Variants in PARD3 observed in about 807,000 individuals in gnomAD.
PARD3 encodes partitioning defective 3 homolog.
A neutral mutation model predicts 155.4 loss-of-function variants in PARD3; 75 were observed. That is an observed-to-expected ratio of 0.48 (90% CI 0.40 to 0.58). The LOEUF (loss-of-function observed/expected upper bound fraction) is 0.58, where lower values mean the gene tolerates loss of function less well. PARD3 is among the 20% of genes least tolerant of loss of function. The probability of loss-of-function intolerance (pLI) is 0.00; values close to 1 mark genes in which losing one functional copy is unlikely to be tolerated. For missense variants in PARD3, 1,642 were observed against 1,721.7 expected, an observed-to-expected ratio of 0.95 and a Z score of 0.82; for synonymous variants, 576 against 610.5, an observed-to-expected ratio of 0.94 and a Z score of 0.83.
chr10:34,661,249 C>T lies in PARD3; in HGVS notation c.222+35069G>A, dbSNP rs144007223. Among the ~76,000 whole-genome samples, 1,320 of 152,204 alleles carry T rather than the reference C, an allele frequency of 8.7e-3. 15 individuals carry two copies. The highest frequency in any genetic ancestry group is 0.031 in the African/African-American group (1,269 of 41,518). ...TCTACTTGAGAAACAAGGAACAAAA[C>T]GATGCATTTCTTGTACCCAATGTGC... On this transcript the variant is annotated intron_variant, in intron 2 of 24. Coordinates refer to ENST00000374788, the MANE Select transcript of PARD3 (RefSeq NM_001184785.2).
chr10:34,318,914 C>T (rs1958190984), intron 19 of PARD3, among the ~76,000 whole-genome samples: 1 of 151,320 alleles, frequency 6.6e-6, no homozygotes, highest in Non-Finnish European at 1.5e-5. Flanking sequence ...TACAGGCGCC[C>T]ACCACCACGC....
chr10:34,634,655 A>T (rs2092401586), intron 2 of PARD3, among the ~76,000 whole-genome samples: 1 of 152,074 alleles, frequency 6.6e-6, no homozygotes, highest in Non-Finnish European at 1.5e-5. Flanking sequence ...TTACATGCAC[A>T]AAGAAACAAC....
At chr10:34,220,668 T>C (rs1360828748) in intron 22 of PARD3, among the ~76,000 whole-genome samples, 1 of 152,158 alleles carries the variant, frequency 6.6e-6, no homozygotes, top group Non-Finnish European at 1.5e-5. Flanking sequence ...TCCTAAGCTG[T>C]GAAATGGGGG....
intron 1 of PARD3, among the ~76,000 whole-genome samples, chr10:34,772,719 G>A (rs968923879): frequency 6.7e-6 from 1 of 149,284 alleles, no homozygotes; most frequent in Non-Finnish European, 1.5e-5. Flanking sequence ...GCTTGAACCC[G>A]GGAGGCAGAG....
intron 22 of PARD3, among the ~76,000 whole-genome samples, chr10:34,184,696 C>CA (rs1275012907): frequency 3.4e-5 from 3 of 87,040 alleles, no homozygotes; most frequent in Non-Finnish European, 4.9e-5. Flanking sequence ...CCAGGCCTTT[C>CA]GGTTTTTTTT....
chr10:34,623,979 C>CAAAA (rs767945506), intron 2 of PARD3, among the ~76,000 whole-genome samples: 1 of 120,396 alleles, frequency 8.3e-6, no homozygotes, highest in Non-Finnish European at 1.8e-5. Context: ...GACTCCGTCT[C>CAAAA]AAAAAAAAAA....
At chr10:34,456,859 C>A (rs990675742) in intron 4 of PARD3, among the ~76,000 whole-genome samples, 1 of 152,106 alleles carries the variant, frequency 6.6e-6, no homozygotes, top group African/African-American at 2.4e-5. Context: ...CATTCTGATA[C>A]ATACTCAGTA....
chr10:34,379,895 T>C (rs564873944), intron 9 of PARD3, among the ~76,000 whole-genome samples: 7 of 152,266 alleles, frequency 4.6e-5, no homozygotes, highest in Non-Finnish European at 2.9e-5. Flanking sequence ...TTATATAACA[T>C]AGCTCCAAAA....
chr10:34,644,127 A>G (rs915573543), intron 2 of PARD3, among the ~76,000 whole-genome samples: 51 of 152,198 alleles, frequency 3.4e-4, no homozygotes, highest in Non-Finnish European at 5.6e-4. Context: ...AATACAACAC[A>G]GAAGAGACTA....
Position 34,148,159 on chromosome 10 carries a change from T to G in PARD3, c.3420-16576A>C, listed in dbSNP as rs187771683. On this transcript the variant is annotated intron_variant, in intron 22 of 24. Coordinates refer to ENST00000374788, the MANE Select transcript of PARD3 (RefSeq NM_001184785.2). ...ATACATACGGACACAGGCATAGATTTAGATATAAATATCAGCAATTGCCTA... is the reference window on the plus strand; with the variant it reads ...ATACATACGGACACAGGCATAGATTGAGATATAAATATCAGCAATTGCCTA... Among the ~76,000 whole-genome samples, 106 of 152,306 alleles carry G rather than the reference T, an allele frequency of 7.0e-4. 1 individual carries two copies. Among genetic ancestry groups the G allele is most frequent in the African/African-American group, 2.5e-3 (104 of 41,570 alleles).
chr10:34,432,337 T>TACACACAC (rs71917947), intron 5 of PARD3, among the ~76,000 whole-genome samples: 14,170 of 143,368 alleles, frequency 0.099, 723 homozygotes, highest in Non-Finnish European at 0.11. Flanking sequence ...CACGTGCACA[T>TACACACAC]ACACACACAC....
chr10:34,256,202 C>T (rs932860512), intron 22 of PARD3, among the ~76,000 whole-genome samples: 2 of 152,244 alleles, frequency 1.3e-5, no homozygotes, highest in Non-Finnish European at 2.9e-5. Context: ...CTTAGATGGA[C>T]ATTATCAATC....
chr10:34,301,819 T>TTTC (rs1554826234), intron 20 of PARD3, among the ~76,000 whole-genome samples: 3 of 364 alleles, frequency 8.2e-3, no homozygotes, highest in Non-Finnish European at 0.017. Context: ...TTCTCCTTTC[T>TTTC]TTTTTTTTTT....
At chr10:34,475,339 T>A (rs2078639090) in intron 3 of PARD3, among the ~76,000 whole-genome samples, 1 of 152,220 alleles carries the variant, frequency 6.6e-6, no homozygotes, top group Non-Finnish European at 1.5e-5. Flanking sequence ...TCATATCTGC[T>A]TCTGCATTCT....
At chr10:34,271,906 T>C (rs1955628527) in intron 21 of PARD3, among the ~76,000 whole-genome samples, 1 of 152,188 alleles carries the variant, frequency 6.6e-6, no homozygotes, top group Non-Finnish European at 1.5e-5. Flanking sequence ...AATGAACACG[T>C]AGTCACTGAA....
chr10:34,196,544 G>T, intron 22 of PARD3, among the ~76,000 whole-genome samples: 1 of 141,826 alleles, frequency 7.1e-6, no homozygotes, highest in Non-Finnish European at 1.5e-5. Context: ...TGTCTTTTGA[G>T]TTACAAATAC....
chr10:34,474,254 C>T (rs976820106), intron 3 of PARD3, among the ~76,000 whole-genome samples: 1 of 152,288 alleles, frequency 6.6e-6, no homozygotes, highest in East Asian at 1.9e-4. Context: ...GTTGGAAGTG[C>T]TGTAAGACCT....
At chr10:34,380,665 T>C (rs575134799) in intron 9 of PARD3, among the ~76,000 whole-genome samples, 5 of 152,280 alleles carry the variant, frequency 3.3e-5, no homozygotes, top group South Asian at 4.1e-4. Context: ...AATGGTACTT[T>C]TAATGGCAAA....
At chr10:34,265,355 C>T (rs1955248562) in intron 22 of PARD3, among the ~76,000 whole-genome samples, 1 of 152,154 alleles carries the variant, frequency 6.6e-6, no homozygotes, top group Non-Finnish European at 1.5e-5. Flanking sequence ...AATAAATCAT[C>T]CCTGGCTGTT....
Sources: gnomAD v4.1 joint callset for allele counts (sites outside exome capture counted in the v4.1 genomes callset) on GRCh38, gnomAD v4.1.1 for gene constraint, MANE v1.5 for transcripts, NCBI Gene and HGNC (gene_info 2026-07-23, HGNC 2026-07-21) for gene names.